Variants in SNAP91 observed in about 807,000 individuals in gnomAD.
The protein encoded by SNAP91 is clathrin coat assembly protein AP180.
A neutral mutation model predicts 100.3 loss-of-function variants in SNAP91; 27 were observed. The ratio of observed to expected loss-of-function variants is 0.27; its 90% CI spans 0.20 to 0.37. SNAP91 has a LOEUF of 0.37. SNAP91 is among the 10% of genes least tolerant of loss of function. The pLI is 1.00. For synonymous variants in SNAP91, 404 were observed against 398.6 expected (o/e 1.01, Z -0.16); for missense variants, 986 against 1,123.7 (o/e 0.88, Z 1.75).
At chr6:83,614,688 G>T (rs2096373906) in intron 11 of SNAP91, among the ~76,000 whole-genome samples, 169 bp downstream of exon 11, 1 of 152,100 alleles carries the variant, frequency 6.6e-6, no homozygotes, top group African/African-American at 2.4e-5. Context: ...AACCATTTAT[G>T]CTAGTCAACT....
chr6:83,670,384 C>A (rs1355440946), intron 2 of SNAP91, among the ~76,000 whole-genome samples: 1 of 151,048 alleles, frequency 6.6e-6, no homozygotes, highest in Non-Finnish European at 1.5e-5. Flanking sequence ...GGTATACATT[C>A]TTTTCCTATT....
chr6:83,620,572 G>T (rs765637898), intron 9 of SNAP91, among the ~76,000 whole-genome samples: 1 of 152,026 alleles, frequency 6.6e-6, no homozygotes, highest in Admixed American at 6.5e-5. Context: ...ACCTGCCGAG[G>T]GGCTCTACAC....
At chr6:83,626,173 A>G (rs573317779) in intron 8 of SNAP91, among the ~76,000 whole-genome samples, 17 of 152,012 alleles carry the variant, frequency 1.1e-4, no homozygotes, top group Admixed American at 2.0e-4. Flanking sequence ...GTTTGTAGGT[A>G]CGCTGCTTTA....
At chr6:83,607,225 G>A (rs191506376) in intron 13 of SNAP91, among the ~76,000 whole-genome samples, 124 of 151,952 alleles carry the variant, frequency 8.2e-4, no homozygotes, top group Non-Finnish European at 8.8e-4. Flanking sequence ...TGATCTGTAG[G>A]TTCTATAAAA....
chr6:83,705,357 G>A (rs2099363191), intron 2 of SNAP91, among the ~76,000 whole-genome samples: 1 of 152,126 alleles, frequency 6.6e-6, no homozygotes, highest in African/African-American at 2.4e-5. Flanking sequence ...TATGTACGCG[G>A]ATTTTGATGC....
intron 5 of SNAP91, 133 bp from the exon 6 acceptor site, chr6:83,659,225 A>G (rs2098478557): frequency 1.5e-6 from 1 of 672,972 alleles, no homozygotes. Flanking sequence ...TTGAGGTATT[A>G]CAAGGTTGTA....
At chr6:83,573,583 G>C (rs1217939889) in intron 26 of SNAP91, among the ~76,000 whole-genome samples, 1 of 152,134 alleles carries the variant, frequency 6.6e-6, no homozygotes, top group African/African-American at 2.4e-5. Context: ...AAAACAGCAT[G>C]GTACTGGTAC....
In SNAP91 at chr6:83,610,710, A is replaced by AATATATATATATATAT. The variant is rs747428612; in HGVS notation, c.885-49_885-34dup. On this transcript the variant is annotated intron_variant, in intron 11 of 29. Coordinates refer to ENST00000369694, the MANE Select transcript of SNAP91 (RefSeq NM_001242792.2). ...GCAACATAAAAAAAAATTAAAACTG[A>AATATATATATATATAT]ATATATATATATATATATATATATA... 19 of 211,538 alleles carry AATATATATATATATAT rather than the reference A, an allele frequency of 9.0e-5. No homozygotes were observed. The African/African-American group carries it at 9.2e-4, about 10-fold the overall frequency. 13.1% of individuals were successfully genotyped at this position (211,538 alleles called of 1,614,324 possible).
At chr6:83,598,296 G>A (rs1457269990) in intron 16 of SNAP91, among the ~76,000 whole-genome samples, 1 of 152,022 alleles carries the variant, frequency 6.6e-6, no homozygotes, top group Non-Finnish European at 1.5e-5. Context: ...TTTCTTAAAA[G>A]TTCACTTTAA....
intron 26 of SNAP91, among the ~76,000 whole-genome samples, chr6:83,564,666 G>A (rs963819314): frequency 6.6e-6 from 1 of 151,980 alleles, no homozygotes; most frequent in Admixed American, 6.6e-5. Flanking sequence ...TACCCAGCCA[G>A]AATAGTCCTT....
chr6:83,583,641 G>A (rs1206831714), intron 22 of SNAP91, among the ~76,000 whole-genome samples: 1 of 152,122 alleles, frequency 6.6e-6, no homozygotes, highest in East Asian at 1.9e-4. Flanking sequence ...ATTACTACCA[G>A]AAGTCATTCC....
intron 22 of SNAP91, among the ~76,000 whole-genome samples, chr6:83,588,296 A>G: frequency 6.6e-6 from 1 of 152,358 alleles, no homozygotes; most frequent in Middle Eastern, 3.4e-3. Context: ...TAGAAAAGAG[A>G]GAAATAAGAA....
chr6:83,616,182 G>A (rs920948926), intron 10 of SNAP91, among the ~76,000 whole-genome samples: 5 of 152,186 alleles, frequency 3.3e-5, no homozygotes, highest in Admixed American at 2.6e-4. Context: ...GGTAGGACTA[G>A]AGATGGCCTT....
intron 13 of SNAP91, among the ~76,000 whole-genome samples, chr6:83,607,341 G>C (rs568654596): frequency 2.6e-4 from 40 of 151,694 alleles, no homozygotes; most frequent in Non-Finnish European, 5.2e-4. Flanking sequence ...GTGTGTGTGT[G>C]TGTGTGTGTG....
rs149991048 is a variant in SNAP91 at position 83,693,571 on chromosome 6, A to C, written c.130+14227T>G. Among the ~76,000 whole-genome samples the C allele has an allele frequency of 3.2e-4, 48 of 152,366 alleles. No individual in the cohort carries two copies. In the East Asian group the frequency reaches 9.0e-3, roughly 29 times the overall value. On this transcript the variant is annotated intron_variant, in intron 2 of 29. Coordinates refer to ENST00000369694, the MANE Select transcript of SNAP91 (RefSeq NM_001242792.2). The stretch of plus-strand genomic sequence containing the variant: ...TAGATATATTTTAAGGCAACTGATT[A>C]ATATCAGACGCGATGCTGGAAGAAA...
chr6:83,625,358 CTG>C (rs1031413840), intron 8 of SNAP91, among the ~76,000 whole-genome samples: 11 of 152,014 alleles, frequency 7.2e-5, no homozygotes, highest in Non-Finnish European at 1.3e-4. Context: ...ATATGAGTGC[CTG>C]TGTCTTTTTG....
chr6:83,703,160 T>C (rs544736775), intron 2 of SNAP91, among the ~76,000 whole-genome samples: 1 of 144,412 alleles, frequency 6.9e-6, no homozygotes, highest in Non-Finnish European at 1.5e-5. Flanking sequence ...GAGGGTGTGT[T>C]TTTTTTTTTT....
At chr6:83,568,348 G>C (rs962001189) in intron 26 of SNAP91, among the ~76,000 whole-genome samples, 2 of 152,092 alleles carry the variant, frequency 1.3e-5, no homozygotes, top group Non-Finnish European at 2.9e-5. Flanking sequence ...CCTGTTGTGG[G>C]ATGGGGGGAG....
chr6:83,560,040 G>A, intron 28 of SNAP91, 64 bp downstream of exon 28: 1 of 1,351,312 alleles, frequency 7.4e-7, no homozygotes, highest in Non-Finnish European at 1.1e-6. Context: ...TAAACAGTTT[G>A]CTACACCAAT....
Sources: gnomAD v4.1 joint callset for allele counts (sites outside exome capture counted in the v4.1 genomes callset) on GRCh38, gnomAD v4.1.1 for gene constraint, MANE v1.5 for transcripts, NCBI Gene and HGNC (gene_info 2026-07-23, HGNC 2026-07-21) for gene names.